NPAS2: variants seen among roughly 807,000 people sequenced by gnomAD.
The protein encoded by NPAS2 is neuronal PAS domain protein 2, also known as neuronal PAS domain-containing protein 2.
In NPAS2, 23 loss-of-function variants were observed where a neutral mutation model predicts 107.5. The observed-to-expected ratio is 0.21, with a 90% CI of 0.15 to 0.30. The LOEUF (loss-of-function observed/expected upper bound fraction) is 0.30. Ranked by LOEUF, NPAS2 falls within the 10% of genes least tolerant of loss-of-function variation. The pLI is 1.00. For missense variants in NPAS2, 756 were observed against 1,043.3 expected (o/e 0.72, Z 3.79); for synonymous variants, 403 against 417.5 (o/e 0.97, Z 0.42).
At chr2:100,830,826 G>C (rs1035529487) in intron 1 of NPAS2, among the ~76,000 whole-genome samples, 2 of 152,168 alleles carry the variant, frequency 1.3e-5, no homozygotes, top group Non-Finnish European at 2.9e-5. Context: ...TTTAGAAGCA[G>C]ACAGCATCAT....
chr2:100,964,116 A>G lies in NPAS2; in HGVS notation c.657A>G (p.Pro219=). Residue 219 remains proline (P), a synonymous_variant, in exon 8 of 21, where the codon CCA becomes CCG. Transcript: ENST00000335681. ...CCCTTTCAAGACCTTGCCGGGTGCCACTAGGAAAGGAGGTTTGCTTCATTG... is the reference window on the plus strand; with the variant it reads ...CCCTTTCAAGACCTTGCCGGGTGCCGCTAGGAAAGGAGGTTTGCTTCATTG... The part of the protein sequence containing the change: ...DNTLSRPCRV[P]LGKEVCFIAT... 1 of 1,614,118 alleles carries G rather than the reference A, an allele frequency of 6.2e-7. No individual in the cohort carries two copies. The highest frequency in any genetic ancestry group is 8.5e-7 in the Non-Finnish European group (1 of 1,180,010).
chr2:100,956,392 G>A (rs1164779513), intron 7 of NPAS2, among the ~76,000 whole-genome samples: 1 of 152,124 alleles, frequency 6.6e-6, no homozygotes, highest in African/African-American at 2.4e-5. Flanking sequence ...AGCCCCCGGT[G>A]TCCACTGCTC....
intron 1 of NPAS2, among the ~76,000 whole-genome samples, chr2:100,862,826 A>T (rs1297671667): frequency 6.6e-6 from 1 of 152,074 alleles, no homozygotes; most frequent in Non-Finnish European, 1.5e-5. Context: ...TTGCTCTTGT[A>T]CGCCTCCCAT....
rs1056640564 is a variant in NPAS2, at chr2:100,988,208, G to A, written c.1759G>A (p.Gly587Arg). 3.7e-6 allele frequency: 6 copies of A among 1,614,020 alleles called. No individual in the cohort carries two copies. The African/African-American group carries it at 8.0e-5, about 22-fold the overall frequency. Residue 587 changes from glycine to arginine, a missense_variant, in exon 17 of 21, where the codon GGG (glycine) becomes AGG (arginine). Physicochemically the swap from Gly to Arg is moderately radical, Grantham distance 125. Coordinates refer to ENST00000335681, the MANE Select transcript of NPAS2 (RefSeq NM_002518.4). ...GCTCGGGGCGGGCCCCCAACTTCCA[G>A]GGCAGATCTCCTCTGCCCAGGTCAC... ...PQLGAGPQLP[G>R]QISSAQVTSQ...
chr2:100,947,174 C>T (rs956637215), intron 5 of NPAS2, among the ~76,000 whole-genome samples: 1 of 152,168 alleles, frequency 6.6e-6, no homozygotes, highest in African/African-American at 2.4e-5. Flanking sequence ...AGAGAGGTGC[C>T]TGTCTCCTCG....
intron 7 of NPAS2, among the ~76,000 whole-genome samples, chr2:100,952,512 C>G (rs968425237): frequency 2.6e-5 from 4 of 151,652 alleles, no homozygotes; most frequent in African/African-American, 4.8e-5. Context: ...TGCAGTAAGC[C>G]AAGATTGCAC....
intron 7 of NPAS2, among the ~76,000 whole-genome samples, chr2:100,949,967 T>A (rs1356482594): frequency 6.6e-6 from 1 of 152,218 alleles, no homozygotes; most frequent in African/African-American, 2.4e-5. Context: ...GAGCCAGGAA[T>A]CTGCATTGGA....
chr2:100,873,271 A>AC (rs1679704026), intron 1 of NPAS2, among the ~76,000 whole-genome samples: 3 of 47,966 alleles, frequency 6.3e-5, no homozygotes, highest in African/African-American at 3.1e-4. Context: ...AAAAAAAAAA[A>AC]ATACATATAT....
At chr2:100,964,227 C>A in intron 8 of NPAS2, 51 bp downstream of exon 8, 1 of 1,171,530 alleles carries the variant, frequency 8.5e-7, no homozygotes, top group Non-Finnish European at 1.3e-6. Context: ...GATTGACTCA[C>A]ATTTTGTTAT....
At chr2:100,853,847 G>A (rs1316580363) in intron 1 of NPAS2, among the ~76,000 whole-genome samples, 2 of 152,062 alleles carry the variant, frequency 1.3e-5, no homozygotes, top group Non-Finnish European at 2.9e-5. Flanking sequence ...GTGACCTAGG[G>A]AGGGAACAAG....
chr2:100,964,334 C>T (rs1676089112), intron 8 of NPAS2, among the ~76,000 whole-genome samples, 158 bp downstream of exon 8: 1 of 152,188 alleles, frequency 6.6e-6, no homozygotes, highest in Non-Finnish European at 1.5e-5. Context: ...GCACACACGC[C>T]CTTTCCCCTG....
At chr2:100,819,015 G>A (rs1675886063), upstream of NPAS2, among the ~76,000 whole-genome samples, 1 of 152,146 alleles carries the variant, frequency 6.6e-6, no homozygotes, top group Admixed American at 6.5e-5. The surrounding 1 kb of genome is among the most constrained non-coding windows in gnomAD (Gnocchi z 5.8). Flanking sequence ...CCCGGCACCC[G>A]GGGATTATTC....
At chr2:100,891,056 C>T (rs1198298497) in intron 1 of NPAS2, among the ~76,000 whole-genome samples, 5 of 152,088 alleles carry the variant, frequency 3.3e-5, no homozygotes, top group African/African-American at 7.2e-5. Context: ...CACGGTGAAA[C>T]CCCGTCTCTA....
rs1050445384 is a variant in NPAS2 at position 100,954,615 on chromosome 2, A to C, written c.598+5135A>C. On this transcript the variant is annotated intron_variant, in intron 7 of 20. Transcript: ENST00000335681. ...GGGAGGCGGAGGTTGCAGTGAGTGG[A>C]GATTGTGCCACTGCACTCCAACCTG... 6.2e-5 allele frequency among the ~76,000 whole-genome samples: 9 copies of C among 144,278 alleles called. 1 individual carries two copies. In the East Asian group the frequency reaches 1.8e-3, roughly 30 times the overall value. The allele number at this position is 144,278 out of a possible 152,430, so 94.7% of individuals were successfully genotyped here. A position where few individuals can be genotyped will look rare whatever the true frequency, so the allele number is the denominator to read the frequency against.
At position 100,995,664 on chromosome 2, in the gene NPAS2, T is replaced by C. The variant is rs1678410435; in HGVS notation, c.*82T>C. 10 of 1,554,090 alleles carry C rather than the reference T, an allele frequency of 6.4e-6. No homozygotes were observed. Among genetic ancestry groups the C allele is most frequent in the Non-Finnish European group, 8.7e-6 (10 of 1,149,756 alleles). ...GCCACAGGAGATGGGGAGAGGAGTC[T>C]GAACTAAACCCCTGGCTTTTGTGCA... On this transcript the variant is annotated 3_prime_UTR_variant, in exon 21 of 21. Transcript: ENST00000335681.
chr2:100,823,698 A>G (rs1357518880), intron 1 of NPAS2: 2 of 152,222 alleles, frequency 1.3e-5, no homozygotes, highest in African/African-American at 4.8e-5. Context: ...CAGATGATAA[A>G]AAAATGAGAA....
chr2:100,891,217 A>G (rs1347939093), intron 1 of NPAS2, among the ~76,000 whole-genome samples: 7 of 150,330 alleles, frequency 4.7e-5, no homozygotes, highest in Admixed American at 4.6e-4. Context: ...GGGCGACAGA[A>G]TGAGACTCCA....
chr2:100,923,355 T>G (rs1361710933), intron 2 of NPAS2, among the ~76,000 whole-genome samples: 1 of 152,156 alleles, frequency 6.6e-6, no homozygotes, highest in Non-Finnish European at 1.5e-5. Context: ...TAAACTGAGA[T>G]AGGACCGGTA....
chr2:100,893,351 C>T (rs1003961604), intron 1 of NPAS2, among the ~76,000 whole-genome samples: 3 of 152,132 alleles, frequency 2.0e-5, no homozygotes, highest in Non-Finnish European at 4.4e-5. Flanking sequence ...TGTGTGTGCT[C>T]GGTTTTGCCT....
Sources: allele counts gnomAD v4.1 joint callset (sites outside exome capture counted in the v4.1 genomes callset), GRCh38; gene constraint gnomAD v4.1.1; non-coding constraint Gnocchi (gnomAD v3.1); transcripts MANE v1.5; gene names NCBI Gene and HGNC (gene_info 2026-07-23, HGNC 2026-07-21).